Variants in OPHN1 observed in about 807,000 individuals in gnomAD.
OPHN1 encodes oligophrenin-1.
A neutral mutation model predicts 60.7 loss-of-function variants in OPHN1; 11 were observed. That is an observed-to-expected ratio of 0.18 (90% CI 0.11 to 0.30). The LOEUF (loss-of-function observed/expected upper bound fraction) is 0.30, where lower values mean the gene tolerates loss of function less well. Ranked by LOEUF, OPHN1 falls within the 10% of genes least tolerant of loss-of-function variation. OPHN1 has a pLI of 1.00. For missense variants in OPHN1, 449 were observed against 611.0 expected, an observed-to-expected ratio of 0.73 and a Z score of 2.80; for synonymous variants, 226 against 222.6, an observed-to-expected ratio of 1.02 and a Z score of -0.14.
intron 2 of OPHN1, among the ~76,000 whole-genome samples, chrX:68,418,189 A>G (rs2078808376): frequency 8.9e-6 from 1 of 111,881 alleles, no homozygotes; most frequent in African/African-American, 3.2e-5. Context: ...AACACATGGC[A>G]TAAGAAGATC....
intron 2 of OPHN1, among the ~76,000 whole-genome samples, chrX:68,378,874 C>T (rs1456174963): frequency 9.0e-6 from 1 of 111,594 alleles, no homozygotes; most frequent in Non-Finnish European, 1.9e-5. Context: ...CATGATGCCT[C>T]CAGCTTTGTT....
At chrX:68,073,621 C>T (rs1196578214) in intron 19 of OPHN1, among the ~76,000 whole-genome samples, 1 of 111,899 alleles carries the variant, frequency 8.9e-6, no homozygotes, top group Non-Finnish European at 1.9e-5. Flanking sequence ...TGAGCCTTGG[C>T]TTTCTCATCC....
chrX:68,052,468 G>A (rs2076856087), intron 23 of OPHN1, 72 bp downstream of exon 23: 1 of 939,110 alleles, frequency 1.1e-6, no homozygotes, highest in Admixed American at 2.6e-5. Flanking sequence ...GTTAGAGTGA[G>A]CACAATTGTA....
chrX:68,079,567 T>C (rs2076966766), intron 19 of OPHN1, among the ~76,000 whole-genome samples: 1 of 112,169 alleles, frequency 8.9e-6, no homozygotes, highest in Non-Finnish European at 1.9e-5. Flanking sequence ...TGAAATTTAA[T>C]GTTCTCCAGG....
intron 7 of OPHN1, among the ~76,000 whole-genome samples, chrX:68,212,660 C>A (rs1483923458): frequency 8.9e-6 from 1 of 112,412 alleles, no homozygotes; most frequent in East Asian, 2.8e-4. Flanking sequence ...TAAACGCAGT[C>A]AAACACAAAC....
At chrX:68,329,165 A>G (rs972039589) in intron 2 of OPHN1, among the ~76,000 whole-genome samples, 46 of 111,899 alleles carry the variant, frequency 4.1e-4, no homozygotes, top group African/African-American at 1.5e-3. Context: ...TGATCCACCC[A>G]CCTCAGCCTC....
At chrX:68,175,509 T>C (rs1314235732) in intron 15 of OPHN1, among the ~76,000 whole-genome samples, 2 of 111,671 alleles carry the variant, frequency 1.8e-5, no homozygotes, top group East Asian at 5.6e-4. Context: ...TTTACTAAAC[T>C]GTAGTGACCA....
intron 2 of OPHN1, among the ~76,000 whole-genome samples, chrX:68,382,368 A>T (rs1338468094): frequency 1.8e-5 from 2 of 110,470 alleles, no homozygotes; most frequent in Non-Finnish European, 3.8e-5. Context: ...AATAAAATAA[A>T]ATAAAATAAA....
intron 6 of OPHN1, among the ~76,000 whole-genome samples, chrX:68,224,429 G>A (rs777684619): frequency 9.0e-5 from 10 of 111,245 alleles, no homozygotes; most frequent in Non-Finnish European, 1.1e-4. Flanking sequence ...AGGGCAAGGC[G>A]GGAAGATCAC....
intron 2 of OPHN1, among the ~76,000 whole-genome samples, chrX:68,358,299 C>A (rs1475673640): frequency 3.6e-5 from 4 of 109,991 alleles, no homozygotes; most frequent in Non-Finnish European, 1.9e-5. Context: ...CCAGCCTGAA[C>A]AATGGAGTGA....
intron 15 of OPHN1, among the ~76,000 whole-genome samples, chrX:68,154,357 G>A (rs1170489317): frequency 8.9e-6 from 1 of 112,511 alleles, no homozygotes; most frequent in East Asian, 2.8e-4. Context: ...CAGGCATGGT[G>A]TTGCCACCAA....
chrX:68,267,173 C>T (rs1419780761), intron 5 of OPHN1, among the ~76,000 whole-genome samples: 1 of 111,408 alleles, frequency 9.0e-6, no homozygotes, highest in Non-Finnish European at 1.9e-5. Context: ...CTGCAGCAAG[C>T]AGACCTAATA....
At chrX:68,235,563 C>T (rs1281095481) in intron 5 of OPHN1, among the ~76,000 whole-genome samples, 1 of 110,236 alleles carries the variant, frequency 9.1e-6, no homozygotes, top group Non-Finnish European at 1.9e-5. Flanking sequence ...TTTGGCCGGG[C>T]ACAGTGGCTC....
chrX:68,182,609 T>C (rs1455695470), intron 15 of OPHN1, among the ~76,000 whole-genome samples: 1 of 111,518 alleles, frequency 9.0e-6, no homozygotes, highest in African/African-American at 3.3e-5. Context: ...AATACTGAAG[T>C]TGTTGAAAAC....
intron 2 of OPHN1, among the ~76,000 whole-genome samples, chrX:68,376,898 A>C (rs1304851963): frequency 9.2e-6 from 1 of 108,766 alleles, no homozygotes; most frequent in Admixed American, 9.9e-5. Context: ...TATACAACTA[A>C]TGAAGGTTTC....
intron 2 of OPHN1, among the ~76,000 whole-genome samples, chrX:68,310,615 T>G (rs2078168513): frequency 9.0e-6 from 1 of 110,673 alleles, no homozygotes; most frequent in Admixed American, 9.7e-5. Context: ...AGATCTAGGA[T>G]TATATTACAC....
At chrX:68,219,548 A>C (rs1238435734) in intron 6 of OPHN1, among the ~76,000 whole-genome samples, 1 of 109,652 alleles carries the variant, frequency 9.1e-6, no homozygotes, top group East Asian at 2.9e-4. Flanking sequence ...CTCCTCAGCA[A>C]ATGTAAAAGA....
At chrX:68,108,024 G>T (rs1261164525) in intron 18 of OPHN1, among the ~76,000 whole-genome samples, 1 of 111,813 alleles carries the variant, frequency 8.9e-6, no homozygotes, top group Non-Finnish European at 1.9e-5. Flanking sequence ...ATGTTTATTA[G>T]CTGGTATTCC....
intron 2 of OPHN1, among the ~76,000 whole-genome samples, chrX:68,334,999 TAATA>T (rs1280929171): frequency 2.8e-5 from 3 of 108,251 alleles, no homozygotes; most frequent in African/African-American, 1.0e-4. Context: ...ATTAATTAAT[TAATA>T]GTTCCTGTCC....
Sources: allele counts gnomAD v4.1 joint callset (sites outside exome capture counted in the v4.1 genomes callset), GRCh38; gene constraint gnomAD v4.1.1; transcripts MANE v1.5; gene names NCBI Gene and HGNC (gene_info 2026-07-23, HGNC 2026-07-21).